The following DLG2 variants were observed in gnomAD, a reference collection of about 807,000 sequenced individuals.
DLG2 encodes disks large homolog 2.
A neutral mutation model predicts 132.5 loss-of-function variants in DLG2; 45 were observed. The ratio of observed to expected loss-of-function variants is 0.34; its 90% CI spans 0.27 to 0.44. DLG2 has a LOEUF of 0.44. Ranked by LOEUF, DLG2 falls within the 20% of genes least tolerant of loss-of-function variation. The pLI is 1.00. For synonymous variants in DLG2, 424 were observed against 419.6 expected (o/e 1.01, Z -0.13); for missense variants, 1,045 against 1,196.9 (o/e 0.87, Z 1.87).
intron 18 of DLG2, among the ~76,000 whole-genome samples, chr11:83,681,127 T>C (rs2078716349): frequency 1.3e-5 from 2 of 152,156 alleles, no homozygotes. Context: ...GCTACTCCTC[T>C]CCATATATAA....
rs59301159 is a variant in DLG2, at chr11:84,784,143, CA to C, written c.358-249413del. ...TGAAACCCCATCTCTACTAAAAATG[CA>C]AAAAAAAAAAAAAAAAAAAAAAAAA... On this transcript the variant is annotated intron_variant, in intron 6 of 27. Transcript: ENST00000376104. Among the ~76,000 whole-genome samples, 43 of 8,648 alleles carry C rather than the reference CA, an allele frequency of 5.0e-3. 1 individual carries two copies. Among genetic ancestry groups the C allele is most frequent in the South Asian group, 9.1e-3 (1 of 110 alleles). 5.7% of individuals were successfully genotyped at this position (8,648 alleles called of 152,430 possible).
At chr11:84,319,313 T>C (rs17147181) in intron 7 of DLG2, among the ~76,000 whole-genome samples, 25,486 of 151,816 alleles carry the variant, frequency 0.17, 2,379 homozygotes, top group East Asian at 0.31. Context: ...GGTATAACCA[T>C]GATGCATGGC....
At chr11:84,090,317 G>C (rs1344778137) in intron 10 of DLG2, among the ~76,000 whole-genome samples, 2 of 150,348 alleles carry the variant, frequency 1.3e-5, no homozygotes, top group African/African-American at 4.9e-5. Context: ...ACGAGGCTGA[G>C]GCAGGAGAAT....
At chr11:84,266,800 G>C (rs2097643817) in intron 7 of DLG2, among the ~76,000 whole-genome samples, 1 of 152,152 alleles carries the variant, frequency 6.6e-6, no homozygotes, top group Non-Finnish European at 1.5e-5. Context: ...GAGGCAAGAA[G>C]GATCATTTCC....
chr11:85,230,347 TA>T (rs564465956), intron 4 of DLG2, among the ~76,000 whole-genome samples: 1 of 150,602 alleles, frequency 6.6e-6, no homozygotes, highest in African/African-American at 2.4e-5. Flanking sequence ...TATTTTGTAT[TA>T]TTTCCTTTTA....
chr11:84,202,512 AC>A (rs1358187685), intron 8 of DLG2, among the ~76,000 whole-genome samples: 1 of 152,152 alleles, frequency 6.6e-6, no homozygotes, highest in East Asian at 1.9e-4. Flanking sequence ...AACTATAAAA[AC>A]CCTAGAAGAA....
At chr11:83,568,628 G>A (rs2096748075) in intron 19 of DLG2, among the ~76,000 whole-genome samples, 1 of 152,132 alleles carries the variant, frequency 6.6e-6, no homozygotes, top group Non-Finnish European at 1.5e-5. Context: ...ATGGATGAGA[G>A]TGGGCAGACA....
intron 17 of DLG2, among the ~76,000 whole-genome samples, chr11:83,827,132 G>A (rs1365387329): frequency 1.3e-5 from 2 of 152,118 alleles, no homozygotes; most frequent in Non-Finnish European, 2.9e-5. Flanking sequence ...GATGAGGTCT[G>A]GCGGCTCATA....
chr11:85,058,987 T>C (rs2154158093), intron 6 of DLG2, among the ~76,000 whole-genome samples: 1 of 151,242 alleles, frequency 6.6e-6, no homozygotes, highest in South Asian at 2.1e-4. Flanking sequence ...TATCATTTCA[T>C]AAAGAAAAAG....
intron 6 of DLG2, among the ~76,000 whole-genome samples, chr11:85,060,913 T>C (rs2154159356): frequency 6.6e-6 from 1 of 151,574 alleles, no homozygotes; most frequent in Admixed American, 6.6e-5. Flanking sequence ...TTTTTTGTTT[T>C]GTTTTTTAAT....
intron 17 of DLG2, among the ~76,000 whole-genome samples, chr11:83,826,439 G>A (rs1387733842): frequency 7.9e-5 from 12 of 152,164 alleles, no homozygotes; most frequent in Admixed American, 7.9e-4. Flanking sequence ...GTAAGGTAGG[G>A]AGAAGTCTAA....
At chr11:85,432,078 G>C (rs1597299936) in intron 3 of DLG2, among the ~76,000 whole-genome samples, 2 of 152,176 alleles carry the variant, frequency 1.3e-5, no homozygotes, top group African/African-American at 4.8e-5. Flanking sequence ...CCCTACCGAA[G>C]AGGAACCTGA....
chr11:84,046,707 T>A (rs909405585), intron 11 of DLG2, among the ~76,000 whole-genome samples: 11 of 151,682 alleles, frequency 7.3e-5, no homozygotes, highest in Non-Finnish European at 1.5e-4. Context: ...TTTTGCAATT[T>A]TTCAATTTTC....
chr11:84,157,061 A>G (rs941908711), intron 9 of DLG2, among the ~76,000 whole-genome samples: 1 of 152,050 alleles, frequency 6.6e-6, no homozygotes, highest in African/African-American at 2.4e-5. Flanking sequence ...GCTATTTTTA[A>G]TAATAGTGAC....
At chr11:83,867,651 G>C (rs1475659669) in intron 16 of DLG2, among the ~76,000 whole-genome samples, 1 of 152,022 alleles carries the variant, frequency 6.6e-6, no homozygotes, top group Non-Finnish European at 1.5e-5. Context: ...GAAATTCCAC[G>C]TTTGGAAACT....
chr11:85,359,723 T>C lies in DLG2; in HGVS notation c.41-74358A>G, dbSNP rs114982981. 8.7e-3 allele frequency among the ~76,000 whole-genome samples: 1,329 copies of C among 152,094 alleles called. 16 individuals are homozygous for C. Among genetic ancestry groups the C allele is most frequent in the African/African-American group, 0.03 (1,256 of 41,490 alleles). ...AAACATGATATGACAGCAAACACCA[T>C]AGGGGAGGGCGCAACAACGTGAACA... On this transcript the variant is annotated intron_variant, in intron 3 of 27. Transcript: ENST00000376104.
intron 6 of DLG2, among the ~76,000 whole-genome samples, chr11:84,586,137 T>A (rs1351833077): frequency 8.0e-6 from 1 of 125,138 alleles, no homozygotes; most frequent in Non-Finnish European, 1.6e-5. Context: ...GGTGACAGAG[T>A]GAGATTCTGA....
intron 18 of DLG2, among the ~76,000 whole-genome samples, chr11:83,639,549 T>G (rs950553207): frequency 1.3e-5 from 2 of 150,754 alleles, no homozygotes; most frequent in African/African-American, 4.9e-5. Flanking sequence ...TAGGTGGGAA[T>G]TGAACAATGA....
intron 6 of DLG2, among the ~76,000 whole-genome samples, chr11:85,040,461 T>C (rs2061767498): frequency 6.6e-6 from 1 of 151,936 alleles, no homozygotes; most frequent in African/African-American, 2.4e-5. Flanking sequence ...TGCAACAAAA[T>C]GAATGATCTT....
Sources: gnomAD v4.1 joint callset for allele counts (sites outside exome capture counted in the v4.1 genomes callset) on GRCh38, gnomAD v4.1.1 for gene constraint, MANE v1.5 for transcripts, NCBI Gene and HGNC (gene_info 2026-07-23, HGNC 2026-07-21) for gene names.